Variants in SLAIN2 observed in about 807,000 individuals in gnomAD.
SLAIN2 encodes the protein SLAIN motif-containing protein 2.
SLAIN2 carries 31 observed loss-of-function variants against 56.6 expected under a neutral mutation model. That is an observed-to-expected ratio of 0.55 (90% confidence interval 0.41 to 0.74). SLAIN2 has a LOEUF of 0.74. Among genes scored for constraint, SLAIN2 ranks in the 30% least tolerant of loss-of-function variants. The pLI is 0.00. For missense variants in SLAIN2, 777 were observed against 754.2 expected (o/e 1.03, Z -0.35); for synonymous variants, 317 against 284.9 (o/e 1.11, Z -1.13).
chr4:48,380,571 G>T (rs953318048), intron 4 of SLAIN2, among the ~76,000 whole-genome samples: 1 of 152,124 alleles, frequency 6.6e-6, no homozygotes, highest in African/African-American at 2.4e-5. Context: ...GTGTACATAT[G>T]CACAAAATTT....
intron 6 of SLAIN2, among the ~76,000 whole-genome samples, chr4:48,402,778 T>G (rs564562287): frequency 2.0e-5 from 3 of 152,228 alleles, no homozygotes; most frequent in Non-Finnish European, 4.4e-5. Flanking sequence ...AGAGATGTGG[T>G]CATTTGGAGG....
chr4:48,387,700 A>T (rs928039559), intron 6 of SLAIN2, among the ~76,000 whole-genome samples: 2 of 152,078 alleles, frequency 1.3e-5, no homozygotes, highest in African/African-American at 2.4e-5. Context: ...AAACTTAGTA[A>T]AGTTTACTTT....
chr4:48,357,207 G>A (rs1486805108), intron 1 of SLAIN2, among the ~76,000 whole-genome samples: 1 of 151,758 alleles, frequency 6.6e-6, no homozygotes, highest in East Asian at 1.9e-4. Flanking sequence ...GAACAATCTA[G>A]AAGTTCAAAA....
At chr4:48,409,254 C>A (rs1716782559) in intron 6 of SLAIN2, among the ~76,000 whole-genome samples, 1 of 152,034 alleles carries the variant, frequency 6.6e-6, no homozygotes, top group Non-Finnish European at 1.5e-5. Context: ...CTATAGTCAC[C>A]TGGTTGTGCT....
rs143945262 is a variant in SLAIN2 at position 48,399,894 on chromosome 4, G to A, written c.1360+16110G>A. 1.6e-3 allele frequency among the ~76,000 whole-genome samples: 249 copies of A among 152,050 alleles called. 2 individuals are homozygous for A. Among genetic ancestry groups the A allele is most frequent in the African/African-American group, 5.3e-3 (221 of 41,486 alleles). On this transcript the variant is annotated intron_variant, in intron 6 of 7. Coordinates refer to ENST00000264313, the MANE Select transcript of SLAIN2 (RefSeq NM_020846.2). ...GATAAGCTTTTTGATGTGCTGCTGG[G>A]TTCAGTTTGCCAGTATTATATTGAG...
intron 6 of SLAIN2, among the ~76,000 whole-genome samples, chr4:48,400,828 G>T (rs1333240725): frequency 6.6e-6 from 1 of 151,646 alleles, no homozygotes; most frequent in African/African-American, 2.4e-5. Context: ...CAGTTCTTCT[G>T]CTAGCTTTGG....
At chr4:48,405,415 T>TTC (rs150048834) in intron 6 of SLAIN2, among the ~76,000 whole-genome samples, 2,619 of 150,722 alleles carry the variant, frequency 0.017, 26 homozygotes, top group Non-Finnish European at 0.025. Context: ...TCCATTTCTT[T>TTC]TCTCTCTCTC....
intron 1 of SLAIN2, among the ~76,000 whole-genome samples, chr4:48,363,778 G>A (rs1405915922): frequency 1.5e-5 from 2 of 134,910 alleles, no homozygotes; most frequent in African/African-American, 2.7e-5. Context: ...CGGACGGGGC[G>A]GCTGGCCGGG....
At chr4:48,402,050 A>C (rs192613272) in intron 6 of SLAIN2, among the ~76,000 whole-genome samples, 1 of 152,314 alleles carries the variant, frequency 6.6e-6, no homozygotes, top group Non-Finnish European at 1.5e-5. Context: ...CAGATATGAA[A>C]TTCTGGGTTA....
intron 6 of SLAIN2, among the ~76,000 whole-genome samples, chr4:48,418,146 CTCCT>C (rs542815397): frequency 6.7e-4 from 99 of 148,442 alleles, no homozygotes; most frequent in African/African-American, 2.4e-3. Flanking sequence ...CTCCTTCTTT[CTCCT>C]TCCTTCTCCC....
chr4:48,346,983 A>G (rs1316710459), intron 1 of SLAIN2, among the ~76,000 whole-genome samples: 3 of 151,672 alleles, frequency 2.0e-5, no homozygotes, highest in Non-Finnish European at 1.5e-5. Flanking sequence ...CCTCTATTCC[A>G]TTGTTAGCAG....
At chr4:48,348,644 C>T (rs1475851920) in intron 1 of SLAIN2, among the ~76,000 whole-genome samples, 6 of 148,156 alleles carry the variant, frequency 4.0e-5, no homozygotes, top group Non-Finnish European at 8.9e-5. Flanking sequence ...GAGCTGAGAT[C>T]ACGCCATTAT....
At chr4:48,401,264 G>C (rs892493344) in intron 6 of SLAIN2, among the ~76,000 whole-genome samples, 3 of 152,262 alleles carry the variant, frequency 2.0e-5, no homozygotes, top group East Asian at 3.8e-4. Flanking sequence ...GTTTTTGTTT[G>C]GGGAGTTTTG....
At chr4:48,409,648 C>A (rs1374864712) in intron 6 of SLAIN2, among the ~76,000 whole-genome samples, 1 of 152,132 alleles carries the variant, frequency 6.6e-6, no homozygotes, top group Non-Finnish European at 1.5e-5. Context: ...CTTTGGGAGG[C>A]CGAGGTGGGC....
chr4:48,342,216 C>T (rs1714730859), intron 1 of SLAIN2, 88 bp downstream of exon 1: 1 of 1,312,396 alleles, frequency 7.6e-7, no homozygotes, highest in African/African-American at 1.5e-5. Flanking sequence ...TCGGGCGCCT[C>T]GCTTTGTGTA....
chr4:48,343,349 G>T (rs1359310105), intron 1 of SLAIN2, among the ~76,000 whole-genome samples: 7 of 152,172 alleles, frequency 4.6e-5, no homozygotes, highest in African/African-American at 1.7e-4. Context: ...TTTAGCGCTG[G>T]ATCTGGCACA....
chr4:48,405,266 C>T (rs1203944121), intron 6 of SLAIN2, among the ~76,000 whole-genome samples: 1 of 152,188 alleles, frequency 6.6e-6, no homozygotes, highest in Non-Finnish European at 1.5e-5. Flanking sequence ...CTCTCTTGAC[C>T]CCTCCCCAAA....
rs1716437830 is a variant in SLAIN2, at chr4:48,397,689, G to C, written c.1360+13905G>C. 2.0e-5 allele frequency among the ~76,000 whole-genome samples: 3 copies of C among 152,104 alleles called. No individual in the cohort carries two copies. In the South Asian group the frequency reaches 6.2e-4, roughly 32 times the overall value. On this transcript the variant is annotated intron_variant, in intron 6 of 7. Coordinates refer to ENST00000264313, the MANE Select transcript of SLAIN2 (RefSeq NM_020846.2). ...CGCCGCCCCTGACAGCCGCCAGTGT[G>C]TGTTGTTCCCCACAGTGTGTCCATG...
At chr4:48,356,865 T>C (rs1441179155) in intron 1 of SLAIN2, among the ~76,000 whole-genome samples, 2 of 152,128 alleles carry the variant, frequency 1.3e-5, no homozygotes, top group African/African-American at 2.4e-5. Context: ...TTCTAAAAAT[T>C]TGAAATATTT....
Sources: allele counts gnomAD v4.1 joint callset (sites outside exome capture counted in the v4.1 genomes callset), GRCh38; gene constraint gnomAD v4.1.1; transcripts MANE v1.5; gene names NCBI Gene and HGNC (gene_info 2026-07-23, HGNC 2026-07-21).